EXOC6B: variants seen among roughly 807,000 people sequenced by gnomAD.
The protein encoded by EXOC6B is SEC15 homolog B.
Under a neutral mutation model 113.5 loss-of-function variants are expected in EXOC6B, and 54 were observed. That is an observed-to-expected ratio of 0.48 (90% CI 0.38 to 0.60). The LOEUF (loss-of-function observed/expected upper bound fraction) is 0.60, where lower values mean the gene tolerates loss of function less well. EXOC6B is among the 20% of genes least tolerant of loss of function. The pLI, the probability that EXOC6B is intolerant of heterozygous loss-of-function variation, is 0.00. For synonymous variants in EXOC6B, 357 were observed against 339.0 expected (o/e 1.05, Z -0.58); for missense variants, 797 against 977.5 (o/e 0.82, Z 2.46).
intron 6 of EXOC6B, among the ~76,000 whole-genome samples, chr2:72,711,166 A>G (rs114382336): frequency 0.017 from 2,552 of 152,294 alleles, 93 homozygotes; most frequent in African/African-American, 0.059. Flanking sequence ...GTCGACAATT[A>G]ACAGAACTTT....
chr2:72,255,848 T>C (rs1573102275), intron 20 of EXOC6B, among the ~76,000 whole-genome samples: 2 of 152,194 alleles, frequency 1.3e-5, no homozygotes, highest in East Asian at 3.8e-4. Context: ...AAAGGCTGAA[T>C]GTGTTTTGCA....
intron 18 of EXOC6B, among the ~76,000 whole-genome samples, chr2:72,427,403 C>T (rs754338924): frequency 4.6e-5 from 7 of 152,208 alleles, no homozygotes; most frequent in Non-Finnish European, 8.8e-5. Flanking sequence ...CCACTGCCCC[C>T]GCAGCCTCAG....
At chr2:72,380,509 A>G (rs1691617186) in intron 18 of EXOC6B, among the ~76,000 whole-genome samples, 1 of 151,968 alleles carries the variant, frequency 6.6e-6, no homozygotes, top group Non-Finnish European at 1.5e-5. Flanking sequence ...GCGTGGTGGC[A>G]GGCGCCTGTA....
rs916160948 is a variant in EXOC6B, at chr2:72,527,927, A to G, written c.916-12801T>C. 2.6e-5 allele frequency among the ~76,000 whole-genome samples: 4 copies of G among 151,998 alleles called. No homozygotes were observed. The East Asian group carries it at 7.7e-4, about 29-fold the overall frequency. ...CTGATGAGTTCTTCAAAGTATTTATATATTCTAGATACATAAGGACTCATT... is the reference window on the plus strand; with the variant it reads ...CTGATGAGTTCTTCAAAGTATTTATGTATTCTAGATACATAAGGACTCATT... On this transcript the variant is annotated intron_variant, in intron 8 of 21. Transcript: ENST00000272427.
chr2:72,665,078 T>C (rs1675294020), intron 6 of EXOC6B, among the ~76,000 whole-genome samples: 1 of 152,016 alleles, frequency 6.6e-6, no homozygotes, highest in African/African-American at 2.4e-5. Flanking sequence ...GGGGCATGCC[T>C]CCCTCCGCAG....
intron 20 of EXOC6B, among the ~76,000 whole-genome samples, chr2:72,299,647 C>T (rs528835990): frequency 2.0e-5 from 3 of 152,032 alleles, no homozygotes; most frequent in Non-Finnish European, 2.9e-5. Flanking sequence ...AGCCTTTTTG[C>T]GCTGGTTTCT....
At chr2:72,221,574 T>C (rs1345172811) in intron 20 of EXOC6B, among the ~76,000 whole-genome samples, 1 of 152,194 alleles carries the variant, frequency 6.6e-6, no homozygotes, top group African/African-American at 2.4e-5. Flanking sequence ...GAATCTATTA[T>C]TTATGCTTAT....
intron 19 of EXOC6B, among the ~76,000 whole-genome samples, chr2:72,359,226 G>C (rs1184336621): frequency 6.6e-6 from 1 of 152,152 alleles, no homozygotes; most frequent in African/African-American, 2.4e-5. Flanking sequence ...TTAATCTTCA[G>C]TGCAACAGGA....
At chr2:72,639,327 C>A (rs565857976) in intron 6 of EXOC6B, among the ~76,000 whole-genome samples, 1 of 152,150 alleles carries the variant, frequency 6.6e-6, no homozygotes, top group Non-Finnish European at 1.5e-5. Flanking sequence ...CTCCTGCTTC[C>A]TGGGCACAGA....
chr2:72,374,141 A>C (rs551701930), intron 19 of EXOC6B, among the ~76,000 whole-genome samples: 1 of 152,180 alleles, frequency 6.6e-6, no homozygotes, highest in Non-Finnish European at 1.5e-5. Context: ...AAAAATAGAG[A>C]TATCATAAGA....
intron 1 of EXOC6B, among the ~76,000 whole-genome samples, chr2:72,807,571 T>C (rs1368715039): frequency 2.0e-5 from 3 of 152,128 alleles, no homozygotes; most frequent in Non-Finnish European, 2.9e-5. Flanking sequence ...CCATTCACAA[T>C]AGCCAAGATT....
At chr2:72,771,659 A>G (rs1003132252) in intron 1 of EXOC6B, among the ~76,000 whole-genome samples, 2 of 152,124 alleles carry the variant, frequency 1.3e-5, no homozygotes, top group African/African-American at 4.8e-5. Context: ...TTTATGGACA[A>G]AAGACTACTT....
At chr2:72,560,115 T>G (rs1703811482) in intron 7 of EXOC6B, among the ~76,000 whole-genome samples, 1 of 152,036 alleles carries the variant, frequency 6.6e-6, no homozygotes, top group Admixed American at 6.6e-5. Flanking sequence ...CCAACGTATT[T>G]TAATGTGAAT....
Position 72,615,253 on chromosome 2 carries a change from A to G in EXOC6B, c.670-39585T>C, listed in dbSNP as rs544169870. On this transcript the variant is annotated intron_variant, in intron 6 of 21. Coordinates refer to ENST00000272427, the MANE Select transcript of EXOC6B (RefSeq NM_015189.3). The stretch of plus-strand genomic sequence containing the variant: ...ACACACTGATATAATATACATATCA[A>G]CTATTATATAAATAATTTTATATAT... Among the ~76,000 whole-genome samples, 149 of 152,248 alleles carry G rather than the reference A, an allele frequency of 9.8e-4. 1 individual carries two copies. In the South Asian group the frequency reaches 0.03, roughly 31 times the overall value.
At chr2:72,395,950 G>T (rs1416866131) in intron 18 of EXOC6B, among the ~76,000 whole-genome samples, 2 of 151,928 alleles carry the variant, frequency 1.3e-5, no homozygotes, top group East Asian at 3.9e-4. Flanking sequence ...CATAGGTTAA[G>T]GGAAATTTAA....
intron 18 of EXOC6B, among the ~76,000 whole-genome samples, chr2:72,393,776 C>T (rs1339169534): frequency 2.0e-5 from 3 of 152,000 alleles, no homozygotes; most frequent in Non-Finnish European, 4.4e-5. Context: ...CTTTTGAACC[C>T]AAATTTACAG....
chr2:72,672,546 C>A (rs1675970171), intron 6 of EXOC6B, among the ~76,000 whole-genome samples: 1 of 88,564 alleles, frequency 1.1e-5, no homozygotes, highest in Non-Finnish European at 2.3e-5. Flanking sequence ...GACTCTGTCT[C>A]AAAAAAAAAA....
At chr2:72,543,039 T>C (rs1044620928) in intron 8 of EXOC6B, among the ~76,000 whole-genome samples, 1 of 152,176 alleles carries the variant, frequency 6.6e-6, no homozygotes, top group East Asian at 1.9e-4. Context: ...TTTGGTATTA[T>C]TTGGAAGAGT....
chr2:72,278,087 A>C (rs976637251), intron 20 of EXOC6B, among the ~76,000 whole-genome samples: 1 of 152,214 alleles, frequency 6.6e-6, no homozygotes, highest in Non-Finnish European at 1.5e-5. Context: ...TGTTTGCTAC[A>C]TTAAACTCAA....
Sources: allele counts gnomAD v4.1 joint callset (sites outside exome capture counted in the v4.1 genomes callset), GRCh38; gene constraint gnomAD v4.1.1; transcripts MANE v1.5; gene names NCBI Gene and HGNC (gene_info 2026-07-23, HGNC 2026-07-21).